Variants in CSRNP3 observed in about 807,000 individuals in gnomAD.
The protein encoded by CSRNP3 is cysteine/serine-rich nuclear protein 3.
Under a neutral mutation model 48.0 loss-of-function variants are expected in CSRNP3, and 12 were observed. The observed-to-expected ratio is 0.25, with a 90% confidence interval of 0.16 to 0.41. The LOEUF (loss-of-function observed/expected upper bound fraction) is 0.41. Among genes scored for constraint, CSRNP3 ranks in the 10% least tolerant of loss-of-function variants. CSRNP3 has a pLI of 1.00. For missense variants in CSRNP3, 580 were observed against 724.4 expected, an observed-to-expected ratio of 0.80 and a Z score of 2.29; for synonymous variants, 263 against 269.7, an observed-to-expected ratio of 0.98 and a Z score of 0.24.
intron 3 of CSRNP3, among the ~76,000 whole-genome samples, chr2:165,542,875 A>C (rs1684977111): frequency 6.6e-6 from 1 of 152,274 alleles, no homozygotes; most frequent in Non-Finnish European, 1.5e-5. Flanking sequence ...ACAGCTCTCA[A>C]GATCTCTGAT....
At chr2:165,574,982 A>G (rs1300521686) in intron 3 of CSRNP3, among the ~76,000 whole-genome samples, 3 of 152,222 alleles carry the variant, frequency 2.0e-5, no homozygotes, top group Non-Finnish European at 4.4e-5. Context: ...AATTTCTTCT[A>G]TTGGGGCTAG....
chr2:165,523,725 C>T (rs1332627568), intron 3 of CSRNP3, among the ~76,000 whole-genome samples: 3 of 152,180 alleles, frequency 2.0e-5, no homozygotes, highest in Non-Finnish European at 4.4e-5. Flanking sequence ...ACCACAAACT[C>T]AAACCCCAAT....
chr2:165,681,758 TATACACACAC>T lies in CSRNP3; in HGVS notation c.*2007_*2016del, dbSNP rs1215032373. 2.6e-4 allele frequency: 13 copies of T among 50,814 alleles called. No individual in the cohort carries two copies. Among genetic ancestry groups the T allele is most frequent in the African/African-American group, 6.8e-4 (13 of 19,066 alleles). 3.1% of individuals were successfully genotyped at this position (50,814 alleles called of 1,614,324 possible). On this transcript the variant is annotated 3_prime_UTR_variant, in exon 7 of 7. Coordinates refer to ENST00000651982, the MANE Select transcript of CSRNP3 (RefSeq NM_001172173.2). ...ATATATATATATATATATATATATA[TATACACACAC>T]ACACACACATACACATATATATACA...
intron 4 of CSRNP3, among the ~76,000 whole-genome samples, chr2:165,628,926 A>C (rs554371372): frequency 6.6e-6 from 1 of 152,306 alleles, no homozygotes; most frequent in Admixed American, 6.5e-5. Flanking sequence ...AAAGAAAGAA[A>C]AAGAAACACT....
chr2:165,638,701 G>T (rs1686674632), intron 4 of CSRNP3, among the ~76,000 whole-genome samples: 1 of 151,962 alleles, frequency 6.6e-6, no homozygotes, highest in Admixed American at 6.6e-5. Flanking sequence ...TTGTTATTTT[G>T]ATTTTTATTT....
Position 165,678,681 on chromosome 2 carries a change from T to C in CSRNP3, c.706-20T>C. On this transcript the variant is annotated intron_variant, in intron 6 of 6. Transcript: ENST00000651982. ...GTTTGTAATAGTTCCATGGTGCTAATCTGTGTTCTTCCTTCCAAGGTGGAT... is the reference window on the plus strand; with the variant it reads ...GTTTGTAATAGTTCCATGGTGCTAACCTGTGTTCTTCCTTCCAAGGTGGAT... 1.2e-6 allele frequency: 2 copies of C among 1,607,156 alleles called. No individual in the cohort carries two copies. Among genetic ancestry groups the C allele is most frequent in the Non-Finnish European group, 1.7e-6 (2 of 1,176,112 alleles).
intron 3 of CSRNP3, among the ~76,000 whole-genome samples, chr2:165,579,209 T>C (rs988488770): frequency 2.0e-5 from 3 of 152,168 alleles, no homozygotes; most frequent in African/African-American, 7.2e-5. Flanking sequence ...GCCAGGATTT[T>C]ATTGGAGGTT....
At chr2:165,478,166 T>C (rs1683993895) in intron 1 of CSRNP3, among the ~76,000 whole-genome samples, 1 of 152,212 alleles carries the variant, frequency 6.6e-6, no homozygotes, top group Non-Finnish European at 1.5e-5. Context: ...GTATTTTGTA[T>C]ATGCATGCTT....
At chr2:165,635,798 A>G (rs1340756842) in intron 4 of CSRNP3, among the ~76,000 whole-genome samples, 3 of 152,200 alleles carry the variant, frequency 2.0e-5, no homozygotes, top group African/African-American at 7.2e-5. Context: ...ACAATTCTAT[A>G]GGATTAAACA....
chr2:165,663,338 A>G (rs1232302875), intron 5 of CSRNP3, among the ~76,000 whole-genome samples: 1 of 152,178 alleles, frequency 6.6e-6, no homozygotes, highest in East Asian at 1.9e-4. Context: ...TTTCTGTTAG[A>G]TTGTAGAGAT....
chr2:165,595,017 C>A (rs761187530), intron 3 of CSRNP3, 26 bp from the exon 4 acceptor site: 1 of 1,600,032 alleles, frequency 6.2e-7, no homozygotes, highest in Admixed American at 1.7e-5. Flanking sequence ...TATTTCAATG[C>A]TCTGTTGCTC....
Position 165,543,006 on chromosome 2 carries a change from G to A in CSRNP3, c.-24+25045G>A, listed in dbSNP as rs1307521635. On this transcript the variant is annotated intron_variant, in intron 3 of 6. Coordinates refer to ENST00000651982, the MANE Select transcript of CSRNP3 (RefSeq NM_001172173.2). ...TCCTCTGAGATAGATCAAGCAAGTA[G>A]TTGGCTCTTATTATCAGTTGAAATA... Among the ~76,000 whole-genome samples the A allele has an allele frequency of 3.9e-5, 6 of 152,164 alleles. No individual in the cohort carries two copies. The South Asian group carries it at 8.3e-4, about 21-fold the overall frequency.
intron 4 of CSRNP3, among the ~76,000 whole-genome samples, chr2:165,641,463 A>C (rs1000293532): frequency 1.3e-5 from 2 of 152,216 alleles, no homozygotes; most frequent in African/African-American, 4.8e-5. Flanking sequence ...TCACATACTC[A>C]AAAAATGTCC....
At chr2:165,530,445 C>G (rs1016565240) in intron 3 of CSRNP3, among the ~76,000 whole-genome samples, 1 of 152,034 alleles carries the variant, frequency 6.6e-6, no homozygotes, top group African/African-American at 2.4e-5. Context: ...TAAAGAAAAA[C>G]CATCTTTATG....
At chr2:165,555,453 A>G (rs1685149574) in intron 3 of CSRNP3, among the ~76,000 whole-genome samples, 2 of 152,234 alleles carry the variant, frequency 1.3e-5, no homozygotes, top group Non-Finnish European at 2.9e-5. Flanking sequence ...GCCACTAAGA[A>G]TGGAATGCGA....
chr2:165,539,950 T>C (rs1262819866), intron 3 of CSRNP3, among the ~76,000 whole-genome samples: 1 of 152,068 alleles, frequency 6.6e-6, no homozygotes, highest in African/African-American at 2.4e-5. Flanking sequence ...TGAAGACTAC[T>C]CCTTGAACTT....
intron 4 of CSRNP3, among the ~76,000 whole-genome samples, chr2:165,644,285 A>G (rs181825396): frequency 1.8e-4 from 28 of 152,316 alleles, no homozygotes; most frequent in African/African-American, 6.3e-4. Flanking sequence ...GCTTCAATAC[A>G]TAATTTTTTC....
At chr2:165,514,186 G>A in intron 2 of CSRNP3, among the ~76,000 whole-genome samples, 1 of 152,182 alleles carries the variant, frequency 6.6e-6, no homozygotes, top group Non-Finnish European at 1.5e-5. Context: ...ATAATACCAG[G>A]AATGATTATA....
chr2:165,676,369 A>G lies in CSRNP3; in HGVS notation c.466A>G (p.Ile156Val). The part of the protein sequence containing the change: ...EEASTLTLDD[I>V]SDDDIDLDNT... ...AGCCAGCACTCTTACACTGGATGACATTTCTGATGATGACATTGACCTGGA... is the reference window on the plus strand; with the variant it reads ...AGCCAGCACTCTTACACTGGATGACGTTTCTGATGATGACATTGACCTGGA... Residue 156 changes from isoleucine (I) to valine (V), a missense_variant, in exon 6 of 7, where the codon ATT becomes GTT. Ile to Val is a conservative substitution (Grantham distance 29, BLOSUM62 3). Around this residue, in one of 4 missense-constraint regions of CSRNP3, gnomAD observed 62 missense variants for 66.4 expected, o/e 0.93. Transcript: ENST00000651982. 3 of 1,614,070 alleles carry G rather than the reference A, an allele frequency of 1.9e-6. No individual in the cohort carries two copies. Among genetic ancestry groups the G allele is most frequent in the African/African-American group, 1.3e-5 (1 of 75,028 alleles).
Sources: gnomAD v4.1 joint callset for allele counts (sites outside exome capture counted in the v4.1 genomes callset) on GRCh38, gnomAD v4.1.1 for gene constraint, gnomAD v4.1.1 regional missense constraint, MANE v1.5 for transcripts, NCBI Gene and HGNC (gene_info 2026-07-23, HGNC 2026-07-21) for gene names.